The following MTCL2 variants were observed in gnomAD, a reference collection of about 807,000 sequenced individuals.
The protein encoded by MTCL2 is microtubule crosslinking factor 2.
chr20:36,793,771 G>C, the MTCL2 span: 1 of 1,541,244 alleles, frequency 6.5e-7, no homozygotes, highest in South Asian at 1.2e-5. This position sits in a 1 kb window ranked among gnomAD's most constrained non-coding sequence, Gnocchi z 6.8. Flanking sequence ...AGCCATACTT[G>C]GGGGAGCAGC....
the MTCL2 span, chr20:36,817,297 A>T: frequency 7.3e-6 from 7 of 954,692 alleles, no homozygotes; most frequent in South Asian, 1.7e-5. Flanking sequence ...AAAGAAAAAA[A>T]GGAAAATGAG....
the MTCL2 span, among the ~76,000 whole-genome samples, chr20:36,847,345 T>G: frequency 6.6e-6 from 1 of 152,232 alleles, no homozygotes; most frequent in Non-Finnish European, 1.5e-5. Context: ...GAACATTTCC[T>G]TCCCAGACTC....
At chr20:36,804,606 G>T in the MTCL2 span, 1 of 1,257,226 alleles carries the variant, frequency 8.0e-7, no homozygotes, top group Non-Finnish European at 1.1e-6. Flanking sequence ...TGCCCTCTCT[G>T]GGCCACAGGT....
At chr20:36,833,980 C>T in the MTCL2 span, among the ~76,000 whole-genome samples, 12 of 152,166 alleles carry the variant, frequency 7.9e-5, no homozygotes, top group African/African-American at 2.4e-4. Flanking sequence ...CCGGTCAACA[C>T]GGTGAAACCC....
At chr20:36,856,837 A>AGCGT in the MTCL2 span, among the ~76,000 whole-genome samples, 1 of 152,022 alleles carries the variant, frequency 6.6e-6, no homozygotes, top group Non-Finnish European at 1.5e-5. Flanking sequence ...GAAATGTCAC[A>AGCGT]GCGTGTGTGT....
At chr20:36,841,917 G>GTGTGTGTA in the MTCL2 span, among the ~76,000 whole-genome samples, 1 of 142,004 alleles carries the variant, frequency 7.0e-6, no homozygotes, top group South Asian at 2.2e-4. Context: ...GTGTGTGTGT[G>GTGTGTGTA]TATACAGGGT....
chr20:36,781,961 C>G, the MTCL2 span: 1 of 152,172 alleles, frequency 6.6e-6, no homozygotes, highest in Non-Finnish European at 1.5e-5. Context: ...CCTCAGCCTC[C>G]CAAGTAGCTG....
At chr20:36,791,302 G>A in the MTCL2 span, among the ~76,000 whole-genome samples, 2 of 152,024 alleles carry the variant, frequency 1.3e-5, no homozygotes, top group Non-Finnish European at 2.9e-5. Flanking sequence ...CAAAGTGCTG[G>A]GATTACAGGC....
the MTCL2 span, chr20:36,786,773 G>T: frequency 1.3e-6 from 1 of 768,364 alleles, no homozygotes; most frequent in Non-Finnish European, 2.0e-6. Context: ...GCTCCTCACT[G>T]GACCAATTTT....
At chr20:36,817,548 TCA>T in the MTCL2 span, 1 of 1,406,956 alleles carries the variant, frequency 7.1e-7, no homozygotes, top group Non-Finnish European at 9.5e-7. Flanking sequence ...CAGAGAGCTG[TCA>T]CAGTGCCCAG....
the MTCL2 span, among the ~76,000 whole-genome samples, chr20:36,808,121 C>T: frequency 6.6e-6 from 1 of 151,062 alleles, no homozygotes; most frequent in Non-Finnish European, 1.5e-5. Context: ...GTGATCCACC[C>T]GCCTCGGCCT....
chr20:36,839,207 C>T, the MTCL2 span: 1 of 1,584,698 alleles, frequency 6.3e-7, no homozygotes, highest in Non-Finnish European at 8.6e-7. The surrounding 1 kb of genome is among the most constrained non-coding windows in gnomAD (Gnocchi z 5.1). Context: ...GCACCCGAGC[C>T]CAGGCTGACC....
At chr20:36,806,722 G>A in the MTCL2 span, among the ~76,000 whole-genome samples, 2 of 152,064 alleles carry the variant, frequency 1.3e-5, no homozygotes, top group Non-Finnish European at 2.9e-5. Flanking sequence ...GTTTCATCAC[G>A]TTGACCAGAC....
At chr20:36,785,732 G>T in the MTCL2 span, 48 of 985,466 alleles carry the variant, frequency 4.9e-5, no homozygotes, top group Admixed American at 6.1e-5. Flanking sequence ...TGCTGGGAAC[G>T]TTGGGGCCCC....
chr20:36,842,223 C>T, the MTCL2 span, among the ~76,000 whole-genome samples: 3 of 152,168 alleles, frequency 2.0e-5, no homozygotes, highest in East Asian at 3.9e-4. Context: ...CCCCATTTGG[C>T]CTAGCAGGTG....
At chr20:36,823,052 C>T in the MTCL2 span, among the ~76,000 whole-genome samples, 19 of 152,340 alleles carry the variant, frequency 1.2e-4, no homozygotes, top group Admixed American at 1.2e-3. Context: ...AGCCACTGTG[C>T]CCGGCCTACT....
the MTCL2 span, chr20:36,808,464 C>T: frequency 4.0e-6 from 6 of 1,508,350 alleles, no homozygotes; most frequent in Non-Finnish European, 4.5e-6. Flanking sequence ...TTCCCTGTCC[C>T]TCTCTCCCCA....
At chr20:36,804,942 G>C in the MTCL2 span, 4 of 1,592,204 alleles carry the variant, frequency 2.5e-6, no homozygotes, top group Non-Finnish European at 3.4e-6. Flanking sequence ...GAGCCTCTGT[G>C]GGGTAGGGAG....
At chr20:36,817,902 C>G in the MTCL2 span, among the ~76,000 whole-genome samples, 1 of 152,222 alleles carries the variant, frequency 6.6e-6, no homozygotes, top group East Asian at 1.9e-4. Flanking sequence ...GATTCCCCTT[C>G]GGAACTGAGA....
Sources: allele counts gnomAD v4.1 joint callset (sites outside exome capture counted in the v4.1 genomes callset), GRCh38; gene constraint gnomAD v4.1.1; non-coding constraint Gnocchi (gnomAD v3.1); transcripts MANE v1.5; gene names NCBI Gene and HGNC (gene_info 2026-07-23, HGNC 2026-07-21).